The following UNC5C variants were observed in gnomAD, a reference collection of about 807,000 sequenced individuals.
UNC5C encodes the protein unc-5 netrin receptor C.
Under a neutral mutation model 99.8 loss-of-function variants are expected in UNC5C, and 47 were observed. The observed-to-expected ratio is 0.47, with a 90% CI of 0.37 to 0.60. The LOEUF is 0.60. Ranked by LOEUF, UNC5C falls within the 20% of genes least tolerant of loss-of-function variation. UNC5C has a pLI of 0.00. For missense variants in UNC5C, 1,062 were observed against 1,165.9 expected (o/e 0.91, Z 1.30); for synonymous variants, 487 against 452.2 (o/e 1.08, Z -0.98).
chr4:95,474,869 T>C (rs924746849), intron 1 of UNC5C, among the ~76,000 whole-genome samples: 1 of 152,092 alleles, frequency 6.6e-6, no homozygotes, highest in Non-Finnish European at 1.5e-5. Context: ...CTCACCACCC[T>C]ATGCATAACC....
intron 1 of UNC5C, among the ~76,000 whole-genome samples, chr4:95,495,775 T>G (rs1405032044): frequency 6.6e-6 from 1 of 151,696 alleles, no homozygotes; most frequent in Non-Finnish European, 1.5e-5. Context: ...ATCCTCATTT[T>G]AAAATTATGA....
intron 1 of UNC5C, among the ~76,000 whole-genome samples, chr4:95,469,606 T>C (rs995024023): frequency 9.2e-5 from 14 of 152,110 alleles, no homozygotes; most frequent in African/African-American, 3.4e-4. Context: ...CCTTAAACTG[T>C]ATTCATTTAT....
chr4:95,389,035 T>C (rs1745285313), intron 1 of UNC5C, among the ~76,000 whole-genome samples: 1 of 152,176 alleles, frequency 6.6e-6, no homozygotes. Context: ...TGCAAAAAGC[T>C]GCCCTAAGCA....
chr4:95,274,884 T>A (rs1311535177), intron 4 of UNC5C, among the ~76,000 whole-genome samples: 1 of 151,916 alleles, frequency 6.6e-6, no homozygotes. Context: ...AAACTAGCCA[T>A]GCGTGGTGAT....
chr4:95,417,224 G>A (rs1054846225), intron 1 of UNC5C, among the ~76,000 whole-genome samples: 3 of 152,106 alleles, frequency 2.0e-5, no homozygotes, highest in Admixed American at 2.0e-4. Flanking sequence ...ATGGCACACC[G>A]GAAAATGAAC....
At chr4:95,402,038 CA>C (rs1745716482) in intron 1 of UNC5C, among the ~76,000 whole-genome samples, 1 of 152,172 alleles carries the variant, frequency 6.6e-6, no homozygotes, top group African/African-American at 2.4e-5. Context: ...TGCAATTTCA[CA>C]TATCAATTAT....
chr4:95,495,703 T>C (rs538288824), intron 1 of UNC5C, among the ~76,000 whole-genome samples: 1 of 151,606 alleles, frequency 6.6e-6, no homozygotes, highest in African/African-American at 2.4e-5. Flanking sequence ...ATGGCAGATC[T>C]AGGATTTAAA....
At chr4:95,312,087 CA>C (rs1035388870) in intron 2 of UNC5C, among the ~76,000 whole-genome samples, 1 of 150,452 alleles carries the variant, frequency 6.6e-6, no homozygotes, top group East Asian at 1.9e-4. Flanking sequence ...CAACAAAAAA[CA>C]AAAAAAACCC....
chr4:95,471,718 G>C (rs1194966852), intron 1 of UNC5C, among the ~76,000 whole-genome samples: 5 of 152,074 alleles, frequency 3.3e-5, no homozygotes, highest in Non-Finnish European at 7.4e-5. Flanking sequence ...AACTTTAACA[G>C]TTTTGAGGGG....
At chr4:95,340,897 T>C (rs891315867) in intron 1 of UNC5C, among the ~76,000 whole-genome samples, 8 of 152,264 alleles carry the variant, frequency 5.3e-5, no homozygotes, top group African/African-American at 1.9e-4. Context: ...GAAGACATTT[T>C]CACACAAACA....
intron 1 of UNC5C, among the ~76,000 whole-genome samples, chr4:95,476,660 G>T (rs1485933015): frequency 1.3e-5 from 2 of 151,984 alleles, no homozygotes; most frequent in Non-Finnish European, 2.9e-5. Flanking sequence ...AAAAAACAAT[G>T]CTGCTTTGAA....
At position 95,275,471 on chromosome 4, in the gene UNC5C, G is replaced by C. The variant is rs761865256; in HGVS notation, c.594+2788C>G. On this transcript the variant is annotated intron_variant, in intron 4 of 15. Coordinates refer to ENST00000453304, the MANE Select transcript of UNC5C (RefSeq NM_003728.4). ...CTATTATTATCTCCCCTTTATAGTTGAGGATACTTTGGTTCACAGTATTTA... is the reference window on the plus strand; with the variant it reads ...CTATTATTATCTCCCCTTTATAGTTCAGGATACTTTGGTTCACAGTATTTA... Among the ~76,000 whole-genome samples the C allele has an allele frequency of 3.3e-5, 5 of 152,214 alleles. No homozygotes were observed. In the South Asian group the frequency reaches 1.0e-3, roughly 32 times the overall value.
At chr4:95,473,954 A>C (rs781267122) in intron 1 of UNC5C, among the ~76,000 whole-genome samples, 12 of 152,076 alleles carry the variant, frequency 7.9e-5, no homozygotes, top group Non-Finnish European at 1.0e-4. Context: ...AACATTGGTA[A>C]GCTATAATCA....
intron 1 of UNC5C, among the ~76,000 whole-genome samples, chr4:95,524,779 C>A (rs965666703): frequency 6.6e-5 from 10 of 152,142 alleles, no homozygotes; most frequent in African/African-American, 2.4e-4. Flanking sequence ...TGCATGGGGG[C>A]AGCTGAAGAT....
At chr4:95,314,775 CA>C (rs951136663) in intron 2 of UNC5C, among the ~76,000 whole-genome samples, 1 of 152,094 alleles carries the variant, frequency 6.6e-6, no homozygotes, top group Non-Finnish European at 1.5e-5. Context: ...TTATCTCTTG[CA>C]AAAACATCAA....
intron 11 of UNC5C, 107 bp downstream of exon 11, chr4:95,206,521 A>T: frequency 6.6e-7 from 1 of 1,519,924 alleles, no homozygotes; most frequent in Non-Finnish European, 8.9e-7. Flanking sequence ...GGGTGAGCTA[A>T]AATTCCACTC....
chr4:95,377,637 C>A (rs190452816), intron 1 of UNC5C, among the ~76,000 whole-genome samples: 1 of 152,018 alleles, frequency 6.6e-6, no homozygotes, highest in African/African-American at 2.4e-5. Context: ...AGTCTAAATG[C>A]ACTCCTTCTT....
intron 1 of UNC5C, among the ~76,000 whole-genome samples, chr4:95,530,928 T>C (rs1722623683): frequency 6.6e-6 from 1 of 152,176 alleles, no homozygotes; most frequent in Non-Finnish European, 1.5e-5. Context: ...AAAGGAAGTG[T>C]GTCATTCATC....
intron 4 of UNC5C, among the ~76,000 whole-genome samples, chr4:95,251,054 AC>A (rs1739702375): frequency 1.3e-5 from 2 of 152,184 alleles, no homozygotes; most frequent in African/African-American, 4.8e-5. Context: ...CTGAACTCAA[AC>A]CTTTCACTAT....
Sources: gnomAD v4.1 joint callset for allele counts (sites outside exome capture counted in the v4.1 genomes callset) on GRCh38, gnomAD v4.1.1 for gene constraint, MANE v1.5 for transcripts, NCBI Gene and HGNC (gene_info 2026-07-23, HGNC 2026-07-21) for gene names.